Variants in TCF20 observed in about 807,000 individuals in gnomAD.
TCF20 encodes transcription factor 20.
Under a neutral mutation model 148.6 loss-of-function variants are expected in TCF20, and 3 were observed. That is an observed-to-expected ratio of 0.02 (90% CI 0.01 to 0.05). TCF20 has a LOEUF of 0.05. TCF20 is among the 10% of genes least tolerant of loss of function. The probability of loss-of-function intolerance (pLI) is 1.00; values close to 1 mark genes in which losing one functional copy is unlikely to be tolerated. For missense variants in TCF20, 2,350 were observed against 2,429.3 expected, an observed-to-expected ratio of 0.97 and a Z score of 0.69; for synonymous variants, 1,049 against 909.5, an observed-to-expected ratio of 1.15 and a Z score of -2.76.
intron 5 of TCF20, among the ~76,000 whole-genome samples, chr22:42,161,972 CTTTTTTTTTTTTTTT>C (rs3045573): frequency 0.33 from 25,139 of 75,420 alleles, 2,990 homozygotes; most frequent in East Asian, 0.51. Flanking sequence ...TAATGACAGT[CTTTTTTTTTTTTTTT>C]TTTTTTTTTT....
chr22:42,295,683 A>G (rs5996139), intron 1 of TCF20, among the ~76,000 whole-genome samples: 106,493 of 151,758 alleles, frequency 0.7, 38,373 homozygotes, highest in African/African-American at 0.87. Flanking sequence ...CAAGTGATCC[A>G]CCCACCTCAG....
intron 1 of TCF20, among the ~76,000 whole-genome samples, chr22:42,289,458 T>G (rs1357552761): frequency 1.3e-5 from 2 of 152,228 alleles, no homozygotes; most frequent in East Asian, 3.8e-4. Flanking sequence ...CACTCCTGGC[T>G]GTGCAAAATG....
chr22:42,167,807 C>A (rs1428355390), intron 5 of TCF20, among the ~76,000 whole-genome samples: 1 of 152,014 alleles, frequency 6.6e-6, no homozygotes, highest in Non-Finnish European at 1.5e-5. Context: ...GCAGCCTCAA[C>A]CTCCAGGTTT....
intron 1 of TCF20, among the ~76,000 whole-genome samples, chr22:42,250,937 C>T (rs1023524098): frequency 1.3e-5 from 2 of 152,140 alleles, no homozygotes; most frequent in African/African-American, 4.8e-5. Flanking sequence ...AGGTGCCACA[C>T]TTTTAAAACA....
chr22:42,265,736 A>G (rs564431296), intron 1 of TCF20, among the ~76,000 whole-genome samples: 116 of 152,326 alleles, frequency 7.6e-4, no homozygotes, highest in Non-Finnish European at 9.8e-4. Flanking sequence ...TTTGGTAAAT[A>G]TATCTTTTGA....
chr22:42,330,351 G>T (rs8142108), intron 1 of TCF20, among the ~76,000 whole-genome samples: 55,403 of 152,022 alleles, frequency 0.36, 10,882 homozygotes, highest in East Asian at 0.58. Context: ...CAGTGTCCCC[G>T]GGTGCCCAAC....
intron 1 of TCF20, among the ~76,000 whole-genome samples, chr22:42,269,180 C>T (rs991586756): frequency 6.6e-6 from 1 of 152,180 alleles, no homozygotes; most frequent in Non-Finnish European, 1.5e-5. Context: ...AAACTCTTCA[C>T]TCTTCACTGA....
chr22:42,259,099 A>G (rs931064762), intron 1 of TCF20, among the ~76,000 whole-genome samples: 2 of 152,154 alleles, frequency 1.3e-5, no homozygotes, highest in African/African-American at 2.4e-5. Context: ...CTGACACGAA[A>G]AAGTCTTCCC....
At chr22:42,169,974 G>A in intron 3 of TCF20, 78 bp from the exon 4 acceptor site, 1 of 1,466,434 alleles carries the variant, frequency 6.8e-7, no homozygotes. Flanking sequence ...GGGATTGACA[G>A]GGTCAGACAT....
chr22:42,250,314 G>A (rs1222052851), intron 1 of TCF20, among the ~76,000 whole-genome samples: 4 of 151,714 alleles, frequency 2.6e-5, no homozygotes, highest in Non-Finnish European at 4.4e-5. Flanking sequence ...GCGTGGTGGC[G>A]GGGCGCCTGT....
chr22:42,236,975 T>A (rs774908426), intron 1 of TCF20, among the ~76,000 whole-genome samples: 6 of 152,220 alleles, frequency 3.9e-5, no homozygotes, highest in Non-Finnish European at 8.8e-5. Flanking sequence ...CGGAGGGTCT[T>A]GCCTCCATGT....
In TCF20 at chr22:42,250,632, CCA is replaced by C. The variant is rs958310629; in HGVS notation, c.-37+19705_-37+19706del. On this transcript the variant is annotated intron_variant, in intron 1 of 5. Transcript: ENST00000677622. Reference sequence around the variant, plus strand: ...TTGTCCATCATGGTATTTCAGAGGACCACAGTTACAAAATGTAACACCCATGC... The same window carrying C: ...TTGTCCATCATGGTATTTCAGAGGACCAGTTACAAAATGTAACACCCATGC... Among the ~76,000 whole-genome samples the C allele has an allele frequency of 1.5e-4, 23 of 152,222 alleles. 1 individual carries two copies. Among genetic ancestry groups the C allele is most frequent in the African/African-American group, 5.3e-4 (22 of 41,526 alleles).
rs1446884507 is a variant in TCF20, at chr22:42,212,292, G to A, written c.3014C>T (p.Ser1005Phe). ...TGCAAAGTCATGATATTGAGAAGGG[G>A]ACCGACCCCTCATGCCCTCCCGACC... The part of the protein sequence containing the change: ...VGGREGMRGR[S>F]PSQYHDFAEK... The change falls in exon 2 of 6, where the codon TCC (serine) becomes TTC (phenylalanine). Residue 1005 changes from serine (S) to phenylalanine (F), a missense_variant. By Grantham distance (155) the Ser-to-Phe change is radical. Transcript: ENST00000677622. 2 of 1,614,054 alleles carry A rather than the reference G, an allele frequency of 1.2e-6. No individual in the cohort carries two copies. The highest frequency in any genetic ancestry group is 1.3e-5 in the African/African-American group (1 of 74,938).
chr22:42,210,029 G>A lies in TCF20; in HGVS notation c.5277C>T (p.Gly1759=), dbSNP rs201992648. ...VKVRHKSASN[G]SKTDTEEEEE... ...CCTCCTCCTCAGTGTCCGTCTTGGA[G>A]CCATTAGAAGCACTTTTGTGCCGTA... is the stretch of plus-strand genomic sequence containing the variant. The change falls in exon 2 of 6, where the codon GGC becomes GGT. Residue 1759 remains glycine, a synonymous_variant. Coordinates refer to ENST00000677622, the MANE Select transcript of TCF20 (RefSeq NM_001378418.1). The surrounding 1 kb of genome is among the most constrained non-coding windows in gnomAD (Gnocchi z 4.7). 159 of 1,612,650 alleles carry A rather than the reference G, an allele frequency of 9.9e-5. No homozygotes were observed. Among genetic ancestry groups the A allele is most frequent in the Middle Eastern group, 1.6e-4 (1 of 6,084 alleles).
chr22:42,271,121 C>T (rs1926601727), upstream of TCF20, among the ~76,000 whole-genome samples: 1 of 152,130 alleles, frequency 6.6e-6, no homozygotes, highest in Non-Finnish European at 1.5e-5. Flanking sequence ...GGCGTGGGGG[C>T]GGCTCCTGCC....
At chr22:42,266,845 T>A (rs752600710) in intron 1 of TCF20, among the ~76,000 whole-genome samples, 4 of 152,222 alleles carry the variant, frequency 2.6e-5, no homozygotes, top group Non-Finnish European at 5.9e-5. Context: ...TCTCCCGATA[T>A]CTTACCAACT....
At chr22:42,167,627 A>C (rs1332417061) in intron 5 of TCF20, among the ~76,000 whole-genome samples, 1 of 152,182 alleles carries the variant, frequency 6.6e-6, no homozygotes, top group Non-Finnish European at 1.5e-5. Context: ...TAGAGACCCC[A>C]AGTCCTATCA....
chr22:42,295,941 T>C lies in TCF20; in HGVS notation c.-37+47538A>G, dbSNP rs570143341. On this transcript the variant is annotated intron_variant, in intron 1 of 1. Transcript: ENST00000515426. Reference sequence around the variant, plus strand: ...TGACCAGTTCCCACATGGTACAGGCTGCCCTCCACAAGACCCTGGGCATCA... The same window carrying C: ...TGACCAGTTCCCACATGGTACAGGCCGCCCTCCACAAGACCCTGGGCATCA... Among the ~76,000 whole-genome samples the C allele has an allele frequency of 7.2e-5, 11 of 152,330 alleles. No individual in the cohort carries two copies. In the South Asian group the frequency reaches 2.1e-3, roughly 29 times the overall value.
chr22:42,294,309 C>G (rs562246245), intron 1 of TCF20, among the ~76,000 whole-genome samples: 1 of 152,232 alleles, frequency 6.6e-6, no homozygotes, highest in African/African-American at 2.4e-5. Flanking sequence ...CCCCCTCTCC[C>G]GGAGGACAGA....
Sources: gnomAD v4.1 joint callset for allele counts (sites outside exome capture counted in the v4.1 genomes callset) on GRCh38, gnomAD v4.1.1 for gene constraint, Gnocchi (gnomAD v3.1) non-coding constraint, MANE v1.5 for transcripts, NCBI Gene and HGNC (gene_info 2026-07-23, HGNC 2026-07-21) for gene names.